ZDHHC11B: variants seen among roughly 807,000 people sequenced by gnomAD.
The protein encoded by ZDHHC11B is probable palmitoyltransferase ZDHHC11B.
Under a neutral mutation model 42.3 loss-of-function variants are expected in ZDHHC11B, and 17 were observed. The ratio of observed to expected loss-of-function variants is 0.40; its 90% CI spans 0.27 to 0.60. The LOEUF is 0.60. Among genes scored for constraint, ZDHHC11B ranks in the 20% least tolerant of loss-of-function variants. The pLI, the probability that ZDHHC11B is intolerant of heterozygous loss-of-function variation, is 0.41. For missense variants in ZDHHC11B, 262 were observed against 463.2 expected, an observed-to-expected ratio of 0.57 and a Z score of 3.99; for synonymous variants, 123 against 193.5, an observed-to-expected ratio of 0.64 and a Z score of 3.02.
chr5:724,662 T>TACACACAC (rs58690111), intron 12 of ZDHHC11B, among the ~76,000 whole-genome samples: 4,237 of 143,402 alleles, frequency 0.03, 53 homozygotes, highest in East Asian at 0.11. Context: ...GACCATCAGT[T>TACACACAC]ACACACACAC....
At chr5:779,124 A>G (rs554806298) in intron 1 of ZDHHC11B, among the ~76,000 whole-genome samples, 5,333 of 140,216 alleles carry the variant, frequency 0.038, 199 homozygotes, top group African/African-American at 0.1. Context: ...CAACACACAC[A>G]GACTAACACA....
intron 1 of ZDHHC11B, among the ~76,000 whole-genome samples, chr5:773,941 G>C (rs1304455633): frequency 1.3e-5 from 2 of 151,940 alleles, no homozygotes; most frequent in Non-Finnish European, 2.9e-5. Context: ...GCTTGAAGAG[G>C]ACAGAAGATG....
chr5:738,886 C>T (rs1484671552), intron 10 of ZDHHC11B, among the ~76,000 whole-genome samples: 1 of 150,848 alleles, frequency 6.6e-6, no homozygotes, highest in African/African-American at 2.5e-5. Flanking sequence ...GAGCTCATGA[C>T]GAAGAATCCA....
intron 4 of ZDHHC11B, among the ~76,000 whole-genome samples, chr5:761,737 T>G (rs180998810): frequency 3.3e-5 from 5 of 151,972 alleles, no homozygotes; most frequent in Non-Finnish European, 7.4e-5. Flanking sequence ...TCAGGGCCTC[T>G]CAGAAAAGGC....
chr5:767,337 C>T (rs1371678911), intron 3 of ZDHHC11B, 55 bp downstream of exon 3: 1 of 1,556,866 alleles, frequency 6.4e-7, no homozygotes, highest in Non-Finnish European at 8.8e-7. Flanking sequence ...GGTCCCACAC[C>T]AGGGCGCAGC....
intron 10 of ZDHHC11B, among the ~76,000 whole-genome samples, chr5:736,600 G>A (rs12522980): frequency 0.44 from 61,125 of 140,244 alleles, 9,748 homozygotes; most frequent in East Asian, 0.59. Context: ...ATTTAAGAAA[G>A]TCAGAATTAC....
At chr5:777,739 T>A (rs76259938) in intron 1 of ZDHHC11B, among the ~76,000 whole-genome samples, 2 of 151,890 alleles carry the variant, frequency 1.3e-5, no homozygotes, top group Non-Finnish European at 2.9e-5. Flanking sequence ...AAGCCCCCAC[T>A]CCACTCAGGA....
chr5:744,281 T>A (rs1377824380), intron 9 of ZDHHC11B, among the ~76,000 whole-genome samples: 2 of 149,888 alleles, frequency 1.3e-5, no homozygotes, highest in African/African-American at 4.9e-5. Flanking sequence ...GGCTTACGAA[T>A]ATCTGGCTTT....
intron 12 of ZDHHC11B, among the ~76,000 whole-genome samples, chr5:720,605 G>T (rs1250910140): frequency 1.3e-5 from 2 of 151,844 alleles, no homozygotes; most frequent in Non-Finnish European, 2.9e-5. Context: ...CATTGGTAAA[G>T]AAATAAAGAA....
intron 12 of ZDHHC11B, among the ~76,000 whole-genome samples, chr5:721,340 C>A (rs1463422003): frequency 1.3e-5 from 2 of 151,284 alleles, no homozygotes; most frequent in African/African-American, 4.9e-5. Context: ...AGAAGTGAAT[C>A]ATTTCTTATC....
chr5:729,414 C>T (rs142323568), intron 12 of ZDHHC11B, among the ~76,000 whole-genome samples: 9,821 of 135,246 alleles, frequency 0.073, 622 homozygotes, highest in Non-Finnish European at 0.12. Flanking sequence ...CAGGCTGGGG[C>T]GGGGGCTTCC....
At chr5:783,168 C>T (rs1435592139) in intron 1 of ZDHHC11B, among the ~76,000 whole-genome samples, 2 of 152,218 alleles carry the variant, frequency 1.3e-5, no homozygotes, top group Non-Finnish European at 1.5e-5. Flanking sequence ...GCTGCAGACC[C>T]CTCCCGGGAA....
At position 759,767 on chromosome 5, in the gene ZDHHC11B, C is replaced by T. The variant is rs142981995; in HGVS notation, c.223-3623G>A. On this transcript the variant is annotated intron_variant, in intron 4 of 13. Transcript: ENST00000508859. ...TCCCCACTTTCCACAACACAGCATC[C>T]CTTACCCTGCACCTGACCTCCCTTG... Among the ~76,000 whole-genome samples the T allele has an allele frequency of 3.0e-3, 457 of 151,930 alleles. 15 individuals are homozygous for T. Among genetic ancestry groups the T allele is most frequent in the Admixed American group, 0.013 (197 of 15,238 alleles).
chr5:714,537 G>A (rs1741609021), intron 13 of ZDHHC11B, among the ~76,000 whole-genome samples: 1 of 120,018 alleles, frequency 8.3e-6, no homozygotes, highest in Admixed American at 8.2e-5. Context: ...AAGCACCCTA[G>A]GAAGACCAGA....
At chr5:765,422 A>C (rs1735139579) in intron 4 of ZDHHC11B, among the ~76,000 whole-genome samples, 1 of 151,920 alleles carries the variant, frequency 6.6e-6, no homozygotes. Flanking sequence ...GGACTTGGAG[A>C]ACTTTTGTGT....
intron 1 of ZDHHC11B, among the ~76,000 whole-genome samples, chr5:777,881 G>A (rs1481180239): frequency 6.6e-6 from 1 of 151,492 alleles, no homozygotes; most frequent in Non-Finnish European, 1.5e-5. Flanking sequence ...CGCCCTTCCG[G>A]GAGGCCCCAG....
At chr5:758,554 G>A (rs1734163267) in intron 4 of ZDHHC11B, among the ~76,000 whole-genome samples, 1 of 151,730 alleles carries the variant, frequency 6.6e-6, no homozygotes, top group Non-Finnish European at 1.5e-5. Context: ...GAACCTGCCA[G>A]GCAAACCCCG....
At position 711,506 on chromosome 5, in the gene ZDHHC11B, G is replaced by C. The variant is rs1352414132; in HGVS notation, c.*784C>G. ...CCATGTGCTTCCATTTCCCAGTACT[G>C]TGCTCATATTTCCCAGTACTGTGCT... On this transcript the variant is annotated 3_prime_UTR_variant, in exon 14 of 14. Transcript: ENST00000508859. The C allele has an allele frequency of 2.0e-5, 3 of 151,106 alleles. No individual in the cohort carries two copies. The highest frequency in any genetic ancestry group is 4.3e-5 in the Non-Finnish European group (3 of 69,128). 9.4% of individuals were successfully genotyped at this position (151,106 alleles called of 1,614,324 possible).
At chr5:731,036 C>A (rs1742983306) in intron 11 of ZDHHC11B, among the ~76,000 whole-genome samples, 1 of 151,918 alleles carries the variant, frequency 6.6e-6, no homozygotes, top group South Asian at 2.1e-4. Context: ...AAGAAAAACA[C>A]CTGCTATGTG....
Sources: allele counts gnomAD v4.1 joint callset (sites outside exome capture counted in the v4.1 genomes callset), GRCh38; gene constraint gnomAD v4.1.1; transcripts MANE v1.5; gene names NCBI Gene and HGNC (gene_info 2026-07-23, HGNC 2026-07-21).